The following INTS6 variants were observed in gnomAD, a reference collection of about 807,000 sequenced individuals.
INTS6 encodes the protein DEAD box protein.
INTS6 carries 16 observed loss-of-function variants against 104.9 expected under a neutral mutation model. The observed-to-expected ratio is 0.15, with a 90% CI of 0.10 to 0.23. INTS6 has a LOEUF of 0.23. Ranked by LOEUF, INTS6 falls within the 10% of genes least tolerant of loss-of-function variation. INTS6 has a pLI of 1.00. For synonymous variants in INTS6, 324 were observed against 358.7 expected (o/e 0.90, Z 1.09); for missense variants, 584 against 1,062.8 (o/e 0.55, Z 6.26).
At chr13:51,396,329 G>C (rs768164345) in intron 4 of INTS6, among the ~76,000 whole-genome samples, 8 of 152,146 alleles carry the variant, frequency 5.3e-5, no homozygotes, top group South Asian at 2.1e-4. Context: ...TACCACATCT[G>C]AGTAAATGTA....
At position 51,452,950 on chromosome 13, in the gene INTS6, G is replaced by A. The variant is rs1953098374; in HGVS notation, c.-425C>T. On this transcript the variant is annotated 5_prime_UTR_variant, in exon 1 of 18. Coordinates refer to ENST00000311234, the MANE Select transcript of INTS6 (RefSeq NM_012141.3). This position sits in a 1 kb window ranked among gnomAD's most constrained non-coding sequence, Gnocchi z 4.2. ...AGGGGAGTGGGCTGAGGGAAGATTG[G>A]CCCTGGGGCTGTTGGGAGAAGTTTC... 9.7e-7 allele frequency: 1 copy of A among 1,035,136 alleles called. No homozygotes were observed. Among genetic ancestry groups the A allele is most frequent in the African/African-American group, 1.7e-5 (1 of 57,534 alleles). 64.1% of individuals were successfully genotyped at this position (1,035,136 alleles called of 1,614,324 possible).
chr13:51,347,058 C>T, the INTS6 span: 14 of 1,595,724 alleles, frequency 8.8e-6, no homozygotes, highest in South Asian at 5.7e-5. Context: ...GGTGGCTGGC[C>T]GTGGGAGCAA....
intron 5 of INTS6, among the ~76,000 whole-genome samples, chr13:51,392,751 G>A (rs1157604243): frequency 6.6e-6 from 1 of 152,020 alleles, no homozygotes; most frequent in Non-Finnish European, 1.5e-5. Flanking sequence ...GTAGTAGGTA[G>A]TACTACTATA....
intron 4 of INTS6, among the ~76,000 whole-genome samples, chr13:51,416,912 T>C (rs1251192430): frequency 1.3e-5 from 2 of 152,210 alleles, no homozygotes; most frequent in Admixed American, 6.5e-5. Flanking sequence ...TTTTATTATA[T>C]GTCATAGTAG....
intron 4 of INTS6, among the ~76,000 whole-genome samples, chr13:51,401,580 C>T (rs993816011): frequency 1.3e-5 from 2 of 151,988 alleles, no homozygotes; most frequent in Non-Finnish European, 2.9e-5. Context: ...AAAATATAGC[C>T]ATTAATAACA....
At chr13:51,405,671 T>G (rs972847753) in intron 4 of INTS6, among the ~76,000 whole-genome samples, 11 of 152,150 alleles carry the variant, frequency 7.2e-5, no homozygotes, top group African/African-American at 2.4e-4. Context: ...TCCACTTCCA[T>G]GGAAGCTGGC....
At chr13:51,348,206 C>T in the INTS6 span, 8 of 1,574,290 alleles carry the variant, frequency 5.1e-6, no homozygotes, top group African/African-American at 1.3e-5. Flanking sequence ...ATCCACTGTA[C>T]CCTCAGGTCA....
At chr13:51,355,117 T>C (rs1328745709) in intron 3 of INTS6, 1 of 1,542,628 alleles carries the variant, frequency 6.5e-7, no homozygotes, top group Non-Finnish European at 8.8e-7. Flanking sequence ...TTTGATCCAC[T>C]CAAAGCTAAC....
the INTS6 span, among the ~76,000 whole-genome samples, chr13:51,347,966 C>T: frequency 6.6e-6 from 1 of 151,256 alleles, no homozygotes; most frequent in South Asian, 2.1e-4. Context: ...TCCCCCCCCC[C>T]ATACCCAGTC....
intron 3 of INTS6, 72 bp from the exon 4 acceptor site, chr13:51,430,455 G>T: frequency 9.0e-7 from 1 of 1,105,720 alleles, no homozygotes; most frequent in Non-Finnish European, 1.3e-6. Flanking sequence ...TCAATTCTCA[G>T]AACAGCATAT....
At chr13:51,374,530 C>T in intron 14 of INTS6, 91 bp from the exon 15 acceptor site, 1 of 1,505,550 alleles carries the variant, frequency 6.6e-7, no homozygotes, top group Non-Finnish European at 9.2e-7. Flanking sequence ...TAACTATATT[C>T]TGTTCATATT....
At chr13:51,392,115 A>C (rs991329304) in intron 5 of INTS6, among the ~76,000 whole-genome samples, 1 of 152,210 alleles carries the variant, frequency 6.6e-6, no homozygotes, top group African/African-American at 2.4e-5. Flanking sequence ...TACTACTACT[A>C]GTCTTCCTGC....
rs938263795 is a variant in INTS6, at chr13:51,362,961, T to C, written c.*2791A>G. The stretch of plus-strand genomic sequence containing the variant: ...CATGATCATCCCAACCACATAACGA[T>C]TAGATGAAAATATCACTTATCACCC... On this transcript the variant is annotated 3_prime_UTR_variant, in exon 18 of 18. Coordinates refer to ENST00000311234, the MANE Select transcript of INTS6 (RefSeq NM_012141.3). 4 of 152,012 alleles carry C rather than the reference T, an allele frequency of 2.6e-5. No individual in the cohort carries two copies. Among genetic ancestry groups the C allele is most frequent in the Admixed American group, 6.6e-5 (1 of 15,222 alleles). 9.4% of individuals were successfully genotyped at this position (152,012 alleles called of 1,614,324 possible).
intron 4 of INTS6, among the ~76,000 whole-genome samples, chr13:51,399,802 T>G (rs903297318): frequency 6.6e-6 from 1 of 152,154 alleles, no homozygotes; most frequent in Admixed American, 6.5e-5. Flanking sequence ...TTCATACGCT[T>G]ATTGGCCATT....
intron 4 of INTS6, among the ~76,000 whole-genome samples, chr13:51,417,070 T>C (rs1956800766): frequency 6.6e-6 from 1 of 152,230 alleles, no homozygotes; most frequent in Non-Finnish European, 1.5e-5. Context: ...TAAATTAGAT[T>C]GTCTTTTTAT....
Position 51,374,402 on chromosome 13 carries a change from C to T in INTS6, c.1910G>A (p.Gly637Glu). The change falls in exon 15 of 18, where the codon GGA becomes GAA. Residue 637 changes from glycine to glutamate, a missense_variant. By Grantham distance (98) the Gly-to-Glu change is moderately conservative. Around this residue, in one of 5 missense-constraint regions of INTS6, gnomAD observed 296 missense variants for 437.0 expected, o/e 0.68. Coordinates refer to ENST00000311234, the MANE Select transcript of INTS6 (RefSeq NM_012141.3). The stretch of plus-strand genomic sequence containing the variant: ...GGGTCGTTTATGTTTATTTTGAGGT[C>T]CAGCCACAAATTCATCTGCTTCATC... ...MIDEADEFVAGPQNKHKRPGE... is the reference protein window; with the variant it reads ...MIDEADEFVAEPQNKHKRPGE... The T allele has an allele frequency of 6.3e-7, 1 of 1,595,918 alleles. No homozygotes were observed. The highest frequency in any genetic ancestry group is 8.6e-7 in the Non-Finnish European group (1 of 1,169,224).
At chr13:51,377,826 T>C (rs1955964092) in intron 12 of INTS6, among the ~76,000 whole-genome samples, 1 of 152,250 alleles carries the variant, frequency 6.6e-6, no homozygotes, top group African/African-American at 2.4e-5. Context: ...AATTTTAGAA[T>C]CAGCTTGCCT....
In INTS6 at chr13:51,363,952, C is replaced by G. The variant is rs1955634069; in HGVS notation, c.*1800G>C. ...CTCAATATTGGGATGGGCTGAATCT[C>G]TTTCCTAGATACTCTTGTTAAGTAT... On this transcript the variant is annotated 3_prime_UTR_variant, in exon 18 of 18. Coordinates refer to ENST00000311234, the MANE Select transcript of INTS6 (RefSeq NM_012141.3). 4.5e-6 allele frequency: 1 copy of G among 223,282 alleles called. No individual in the cohort carries two copies. Among genetic ancestry groups the G allele is most frequent in the African/African-American group, 2.3e-5 (1 of 44,126 alleles). The allele number at this position is 223,282 out of a possible 1,614,324, so 13.8% of individuals were successfully genotyped here. A position where few individuals can be genotyped will look rare whatever the true frequency, so the allele number is the denominator to read the frequency against.
At chr13:51,335,214 AATAG>A in the INTS6 span, among the ~76,000 whole-genome samples, 1 of 152,192 alleles carries the variant, frequency 6.6e-6, no homozygotes, top group Non-Finnish European at 1.5e-5. Context: ...GAAGAGAGTA[AATAG>A]ATAATGGCCA....
Sources: gnomAD v4.1 joint callset for allele counts (sites outside exome capture counted in the v4.1 genomes callset) on GRCh38, gnomAD v4.1.1 for gene constraint, gnomAD v4.1.1 regional missense constraint, Gnocchi (gnomAD v3.1) non-coding constraint, MANE v1.5 for transcripts, NCBI Gene and HGNC (gene_info 2026-07-23, HGNC 2026-07-21) for gene names.